TTC34: variants seen among roughly 807,000 people sequenced by gnomAD.
TTC34 encodes the protein tetratricopeptide repeat domain 34, also known as tetratricopeptide repeat protein 34.
A neutral mutation model predicts 40.7 loss-of-function variants in TTC34; 44 were observed. The ratio of observed to expected loss-of-function variants is 1.08; its 90% CI spans 0.85 to 1.39. TTC34 has a LOEUF of 1.39. Among genes scored for constraint, TTC34 ranks in the 40% most tolerant of loss-of-function variants. The pLI is 0.00. For synonymous variants in TTC34, 422 were observed against 398.6 expected (o/e 1.06, Z -0.70); for missense variants, 884 against 838.0 (o/e 1.05, Z -0.68).
chr1:2,673,391 C>T (rs1315147966), intron 6 of TTC34, among the ~76,000 whole-genome samples: 1 of 75,868 alleles, frequency 1.3e-5, no homozygotes. Context: ...GGTCGGCACC[C>T]ACACCCCCAG....
intron 6 of TTC34, among the ~76,000 whole-genome samples, chr1:2,749,004 C>G (rs1641232690): frequency 7.2e-6 from 1 of 139,830 alleles, no homozygotes; most frequent in Non-Finnish European, 1.5e-5. Flanking sequence ...ACCCACACGC[C>G]CAGGTGAGCA....
chr1:2,790,884 T>C (rs1643655483), intron 2 of TTC34, among the ~76,000 whole-genome samples: 1 of 152,176 alleles, frequency 6.6e-6, no homozygotes, highest in Non-Finnish European at 1.5e-5. Context: ...AGCAGAGCTC[T>C]TCTCTCAGGT....
intron 6 of TTC34, among the ~76,000 whole-genome samples, chr1:2,687,881 C>G (rs1356598946): frequency 6.6e-6 from 1 of 152,200 alleles, no homozygotes; most frequent in African/African-American, 2.4e-5. Flanking sequence ...GGAACAGAAC[C>G]CACATCCCCA....
intron 6 of TTC34, among the ~76,000 whole-genome samples, chr1:2,691,905 A>ACC (rs1385226989): frequency 2.1e-5 from 1 of 46,704 alleles, no homozygotes; most frequent in Non-Finnish European, 4.7e-5. Context: ...CAACCTGCAC[A>ACC]CCCAGGTGAG....
At chr1:2,643,711 C>G (rs760206471) in intron 8 of TTC34, among the ~76,000 whole-genome samples, 10 of 152,252 alleles carry the variant, frequency 6.6e-5, no homozygotes, top group Non-Finnish European at 7.3e-5. Context: ...TGGTGTAGCC[C>G]CGACTCCGCC....
chr1:2,687,999 A>C (rs1293393105), intron 6 of TTC34, among the ~76,000 whole-genome samples: 1 of 104,488 alleles, frequency 9.6e-6, no homozygotes, highest in Admixed American at 1.1e-4. Context: ...CTGGAACAGG[A>C]CCCACACCCC....
intron 6 of TTC34, among the ~76,000 whole-genome samples, chr1:2,648,559 T>C (rs929132118): frequency 7.9e-5 from 12 of 152,010 alleles, no homozygotes; most frequent in Non-Finnish European, 8.8e-5. Flanking sequence ...TTTATACAGC[T>C]GTCAGGAGCC....
At chr1:2,788,337 ATGTGTGTTGTGTGTGGTG>A (rs769469474) in intron 3 of TTC34, among the ~76,000 whole-genome samples, 26 of 150,316 alleles carry the variant, frequency 1.7e-4, no homozygotes, top group Non-Finnish European at 3.3e-4. Context: ...TGTTATGTAC[ATGTGTGTTGTGTGTGGTG>A]TGTGTGTTGT....
intron 6 of TTC34, among the ~76,000 whole-genome samples, chr1:2,677,741 A>C (rs61761456): frequency 0.031 from 3,632 of 115,508 alleles, 1 homozygote; most frequent in Middle Eastern, 0.061. Context: ...CCCCCAGGTG[A>C]GCATCTGACA....
rs1173311272 is a variant in TTC34, at chr1:2,788,409, TTATG to T, written c.1629-707_1629-704del. Reference sequence around the variant, plus strand: ...GTGTGTCTGGTGTGTTGTGTGTGTGTTATGTATGTGTTGTGCGTGTGTGTGTTGT... The same window carrying T: ...GTGTGTCTGGTGTGTTGTGTGTGTGTTATGTGTTGTGCGTGTGTGTGTTGT... On this transcript the variant is annotated intron_variant, in intron 3 of 8. Transcript: ENST00000401095. Among the ~76,000 whole-genome samples, 3 of 151,398 alleles carry T rather than the reference TTATG, an allele frequency of 2.0e-5. No homozygotes were observed. In the East Asian group the frequency reaches 5.8e-4, roughly 29 times the overall value.
intron 6 of TTC34, among the ~76,000 whole-genome samples, chr1:2,751,561 C>A (rs1356028071): frequency 3.6e-5 from 4 of 112,526 alleles, no homozygotes; most frequent in South Asian, 3.1e-4. Context: ...TGCAACAGCA[C>A]GCACACCCCC....
At chr1:2,651,760 T>C (rs1444123712) in intron 6 of TTC34, among the ~76,000 whole-genome samples, 1 of 149,460 alleles carries the variant, frequency 6.7e-6, no homozygotes, top group African/African-American at 2.5e-5. Flanking sequence ...AACAGCACCC[T>C]CCACCCTCAG....
intron 6 of TTC34, among the ~76,000 whole-genome samples, chr1:2,688,282 C>A (rs1490001397): frequency 2.8e-5 from 4 of 142,494 alleles, no homozygotes; most frequent in African/African-American, 8.5e-5. Flanking sequence ...TGGATCAGCA[C>A]CCACACTCCC....
chr1:2,682,113 G>A (rs1446363194), intron 6 of TTC34, among the ~76,000 whole-genome samples: 3 of 146,196 alleles, frequency 2.1e-5, no homozygotes, highest in Non-Finnish European at 4.6e-5. Context: ...ACACCCCCAG[G>A]TGAGCATCTG....
At chr1:2,750,945 C>G (rs1259797079) in intron 6 of TTC34, among the ~76,000 whole-genome samples, 2,515 of 112,758 alleles carry the variant, frequency 0.022, 463 homozygotes, top group Admixed American at 0.037. Flanking sequence ...GAGCATCGGA[C>G]AGCCTGGAGC....
chr1:2,779,774 C>T (rs1464438124), intron 6 of TTC34, among the ~76,000 whole-genome samples: 1 of 152,146 alleles, frequency 6.6e-6, no homozygotes, highest in Non-Finnish European at 1.5e-5. Flanking sequence ...TTCATAGTAG[C>T]CATCCTGACA....
At chr1:2,657,432 C>A (rs1180842412) in intron 6 of TTC34, among the ~76,000 whole-genome samples, 27 of 88,866 alleles carry the variant, frequency 3.0e-4, no homozygotes, top group African/African-American at 7.4e-4. Context: ...CCCAGGCGAG[C>A]ATCTGAACTC....
chr1:2,683,509 A>T, intron 6 of TTC34, among the ~76,000 whole-genome samples: 1 of 147,486 alleles, frequency 6.8e-6, no homozygotes, highest in African/African-American at 2.5e-5. Flanking sequence ...AACGGCACCC[A>T]CACCACCAGG....
At chr1:2,768,450 A>C (rs1641864033) in intron 6 of TTC34, among the ~76,000 whole-genome samples, 1 of 151,044 alleles carries the variant, frequency 6.6e-6, no homozygotes, top group South Asian at 2.1e-4. Context: ...CTGGAACAGA[A>C]CCCCACAACT....
Sources: allele counts gnomAD v4.1 joint callset (sites outside exome capture counted in the v4.1 genomes callset), GRCh38; gene constraint gnomAD v4.1.1; transcripts MANE v1.5; gene names NCBI Gene and HGNC (gene_info 2026-07-23, HGNC 2026-07-21).